LYPLA1: variants seen among roughly 807,000 people sequenced by gnomAD.
LYPLA1 encodes lysophospholipase 1, also known as acyl-protein thioesterase 1.
LYPLA1 carries 17 observed loss-of-function variants against 34.0 expected under a neutral mutation model. That is an observed-to-expected ratio of 0.50 (90% CI 0.34 to 0.75). The LOEUF (loss-of-function observed/expected upper bound fraction) is 0.75, where lower values mean the gene tolerates loss of function less well. Ranked by LOEUF, LYPLA1 falls within the 30% of genes least tolerant of loss-of-function variation. The pLI, the probability that LYPLA1 is intolerant of heterozygous loss-of-function variation, is 0.01. For synonymous variants in LYPLA1, 98 were observed against 100.8 expected (o/e 0.97, Z 0.17); for missense variants, 203 against 288.8 (o/e 0.70, Z 2.15).
intron 2 of LYPLA1, among the ~76,000 whole-genome samples, chr8:54,085,825 C>T (rs952320437): frequency 6.5e-4 from 94 of 143,530 alleles, no homozygotes; most frequent in African/African-American, 2.0e-3. Context: ...GGGCAGCCCC[C>T]GGCCGGCCAG....
intron 6 of LYPLA1, 39 bp downstream of exon 6, chr8:54,055,021 T>A (rs746485061): frequency 5.1e-6 from 6 of 1,185,702 alleles, no homozygotes; most frequent in South Asian, 4.9e-5. Context: ...TAAATAAGTA[T>A]ACTGATGGTA....
Position 54,051,862 on chromosome 8 carries a change from T to C in LYPLA1, c.463-674A>G, listed in dbSNP as rs544644673. ...ATTCAGCTATCTTTTTTTTTTTTTT[T>C]CCCCCAAAGACAGAGTCTTGCTCTG... On this transcript the variant is annotated intron_variant, in intron 7 of 8. Transcript: ENST00000316963. Among the ~76,000 whole-genome samples the C allele has an allele frequency of 4.5e-3, 674 of 150,980 alleles. 2 individuals are homozygous for C. The highest frequency in any genetic ancestry group is 7.2e-3 in the Non-Finnish European group (487 of 67,748).
chr8:54,069,865 A>G (rs960387097), intron 2 of LYPLA1, among the ~76,000 whole-genome samples: 4 of 152,196 alleles, frequency 2.6e-5, no homozygotes, highest in Non-Finnish European at 5.9e-5. Context: ...TCTCAGACAA[A>G]TGAATGGTTA....
intron 2 of LYPLA1, chr8:54,073,214 G>A: frequency 1.3e-6 from 1 of 799,890 alleles, no homozygotes; most frequent in Admixed American, 1.7e-5. Flanking sequence ...GTGCCGCCCA[G>A]GGAGATACAG....
At chr8:54,049,908 T>C (rs1805734563) in intron 8 of LYPLA1, among the ~76,000 whole-genome samples, 1 of 152,206 alleles carries the variant, frequency 6.6e-6, no homozygotes, top group African/African-American at 2.4e-5. Flanking sequence ...GGGTACTTTC[T>C]TCCTAAACTA....
intron 2 of LYPLA1, among the ~76,000 whole-genome samples, chr8:54,081,263 AATT>A (rs1381585681): frequency 1.9e-4 from 29 of 152,040 alleles, no homozygotes; most frequent in African/African-American, 6.8e-4. Flanking sequence ...GTAATTCAAT[AATT>A]ATTAATATTA....
Position 54,059,299 on chromosome 8 carries a change from G to GTTTT in LYPLA1, c.286+2951_286+2954dup, listed in dbSNP as rs573966934. 5.3e-5 allele frequency among the ~76,000 whole-genome samples: 6 copies of GTTTT among 112,744 alleles called. 2 individuals are homozygous for GTTTT. The highest frequency in any genetic ancestry group is 9.7e-5 in the African/African-American group (2 of 20,562). 74.0% of individuals were successfully genotyped at this position (112,744 alleles called of 152,430 possible). A position where few individuals can be genotyped will look rare whatever the true frequency, so the allele number is the denominator to read the frequency against. On this transcript the variant is annotated intron_variant, in intron 5 of 8. Coordinates refer to ENST00000316963, the MANE Select transcript of LYPLA1 (RefSeq NM_006330.4). The stretch of plus-strand genomic sequence containing the variant: ...CACATCTTTTGAATGTATTTTCCCT[G>GTTTT]TTTTTTTTTTTTTTTTGAGACGGAG...
chr8:54,065,673 T>C (rs1807010147), intron 3 of LYPLA1, 75 bp downstream of exon 3: 7 of 1,068,586 alleles, frequency 6.6e-6, no homozygotes, highest in Non-Finnish European at 8.4e-6. Flanking sequence ...CAAATACTTT[T>C]CTGGAAGGGT....
At position 54,065,827 on chromosome 8, in the gene LYPLA1, CATTGAATA is replaced by C; in HGVS notation, c.102-22_102-15del. ...GCCCATCCGTGCCTGGTGGAAAAAT[CATTGAATA>C]ATGCTATTAGACACTGTTTTAAATC... On this transcript the variant is annotated splice_polypyrimidine_tract_variant and intron_variant, in intron 2 of 8. Coordinates refer to ENST00000316963, the MANE Select transcript of LYPLA1 (RefSeq NM_006330.4). 6.3e-7 allele frequency: 1 copy of C among 1,594,466 alleles called. No individual in the cohort carries two copies. Among genetic ancestry groups the C allele is most frequent in the Non-Finnish European group, 8.6e-7 (1 of 1,162,180 alleles).
intron 2 of LYPLA1, among the ~76,000 whole-genome samples, chr8:54,085,854 G>A (rs181261280): frequency 6.8e-6 from 1 of 147,568 alleles, no homozygotes; most frequent in Non-Finnish European, 1.5e-5. Flanking sequence ...TCCGCGAGGT[G>A]GGGGGGGCGC....
chr8:54,075,301 A>G (rs1310253666), intron 2 of LYPLA1, among the ~76,000 whole-genome samples: 2 of 152,220 alleles, frequency 1.3e-5, no homozygotes, highest in Non-Finnish European at 2.9e-5. Context: ...GTAAAATAAT[A>G]ATTTGGGGTA....
At chr8:54,086,388 TC>T (rs1218985461) in intron 2 of LYPLA1, among the ~76,000 whole-genome samples, 2 of 104,722 alleles carry the variant, frequency 1.9e-5, no homozygotes, top group African/African-American at 7.8e-5. Context: ...CCCTGCCAAA[TC>T]CCCCTCTCCG....
chr8:54,062,716 T>A (rs928004596), intron 4 of LYPLA1, among the ~76,000 whole-genome samples: 1 of 152,136 alleles, frequency 6.6e-6, no homozygotes, highest in African/African-American at 2.4e-5. Context: ...TTCACTGTGT[T>A]GGCCAGGCTG....
chr8:54,069,620 G>C (rs1435899840), intron 2 of LYPLA1, among the ~76,000 whole-genome samples: 1 of 151,730 alleles, frequency 6.6e-6, no homozygotes, highest in Non-Finnish European at 1.5e-5. Flanking sequence ...TGAGGCTGGA[G>C]AATCATTTGA....
At chr8:54,067,833 GCCA>G (rs1404536023) in intron 2 of LYPLA1, among the ~76,000 whole-genome samples, 1 of 150,730 alleles carries the variant, frequency 6.6e-6, no homozygotes, top group Non-Finnish European at 1.5e-5. Flanking sequence ...GTAGGCGCCC[GCCA>G]CCACACCAGC....
intron 2 of LYPLA1, among the ~76,000 whole-genome samples, chr8:54,093,899 T>C (rs927331212): frequency 3.3e-5 from 5 of 152,226 alleles, no homozygotes; most frequent in African/African-American, 1.2e-4. Flanking sequence ...TGCCCTTCTA[T>C]CCTTCCACAA....
rs1810195131 is a variant in LYPLA1, at chr8:54,101,881, A to C, written c.-58T>G. On this transcript the variant is annotated 5_prime_UTR_variant, in exon 1 of 9. Transcript: ENST00000316963. ...AAGAGCGGGCGCCCGGCCGCGGCCC[A>C]AGGGCGTGCGAGCGGCGAGTCCCGG... 2.7e-6 allele frequency: 3 copies of C among 1,098,598 alleles called. No homozygotes were observed. Among genetic ancestry groups the C allele is most frequent in the Non-Finnish European group, 3.4e-6 (3 of 871,086 alleles). 68.1% of individuals were successfully genotyped at this position (1,098,598 alleles called of 1,614,324 possible).
intron 6 of LYPLA1, chr8:54,054,717 G>A (rs867764948): frequency 1.1e-5 from 2 of 182,188 alleles, no homozygotes; most frequent in Non-Finnish European, 2.3e-5. Context: ...CCTGTAATAC[G>A]TGAAGGTAAA....
At chr8:54,073,572 G>A (rs371963474) in intron 2 of LYPLA1, 6 of 592,908 alleles carry the variant, frequency 1.0e-5, no homozygotes, top group African/African-American at 5.6e-5. Flanking sequence ...ACTATTAATC[G>A]ACACTGACCT....
Sources: gnomAD v4.1 joint callset for allele counts (sites outside exome capture counted in the v4.1 genomes callset) on GRCh38, gnomAD v4.1.1 for gene constraint, MANE v1.5 for transcripts, NCBI Gene and HGNC (gene_info 2026-07-23, HGNC 2026-07-21) for gene names.